The following WWOX variants were observed in gnomAD, a reference collection of about 807,000 sequenced individuals.
WWOX encodes WW domain-containing oxidoreductase.
Under a neutral mutation model 46.2 loss-of-function variants are expected in WWOX, and 69 were observed. The observed-to-expected ratio is 1.49, with a 90% CI of 1.23 to 1.82. WWOX has a LOEUF of 1.82. Ranked by LOEUF, WWOX falls within the 40% of genes most tolerant of loss-of-function variation. WWOX has a pLI of 0.00. For missense variants in WWOX, 919 were observed against 542.6 expected (o/e 1.69, Z -6.89); for synonymous variants, 359 against 202.6 (o/e 1.77, Z -6.56).
chr16:78,281,898 T>G (rs1007740207), intron 5 of WWOX, among the ~76,000 whole-genome samples: 1 of 152,192 alleles, frequency 6.6e-6, no homozygotes, highest in Non-Finnish European at 1.5e-5. Flanking sequence ...CCCTTAGTTT[T>G]GATGATCTTT....
At chr16:78,104,360 TACAC>T (rs35617570) in intron 1 of WWOX, among the ~76,000 whole-genome samples, 46,720 of 147,632 alleles carry the variant, frequency 0.32, 7,162 homozygotes, top group African/African-American at 0.32. Context: ...TGCACGCACA[TACAC>T]ACACACACAC....
At chr16:78,844,430 G>C (rs2052243815) in intron 8 of WWOX, among the ~76,000 whole-genome samples, 1 of 151,974 alleles carries the variant, frequency 6.6e-6, no homozygotes, top group African/African-American at 2.4e-5. Context: ...TGAATAATTT[G>C]GGCAGTCTCA....
At chr16:78,370,898 A>T (rs1261493264) in intron 5 of WWOX, among the ~76,000 whole-genome samples, 1 of 148,118 alleles carries the variant, frequency 6.8e-6, no homozygotes, top group East Asian at 2.0e-4. Context: ...AAAATGGAAG[A>T]TGGCCAACAT....
At chr16:78,607,447 A>T (rs1048790182) in intron 8 of WWOX, among the ~76,000 whole-genome samples, 5 of 152,156 alleles carry the variant, frequency 3.3e-5, no homozygotes, top group African/African-American at 4.8e-5. Flanking sequence ...ATTAAGCACA[A>T]ATTGTTTCAA....
Position 78,635,636 on chromosome 16 carries a change from G to C in WWOX, c.1056+202884G>C, listed in dbSNP as rs1480748055. ...TCAAGGGTTGTTGAGAGGATGAAGTGCTAAAAATGCTTGACCAGCATTCAC... is the reference window on the plus strand; with the variant it reads ...TCAAGGGTTGTTGAGAGGATGAAGTCCTAAAAATGCTTGACCAGCATTCAC... On this transcript the variant is annotated intron_variant, in intron 8 of 8. Coordinates refer to ENST00000566780, the MANE Select transcript of WWOX (RefSeq NM_016373.4). Among the ~76,000 whole-genome samples, 6 of 152,234 alleles carry C rather than the reference G, an allele frequency of 3.9e-5. No individual in the cohort carries two copies. The East Asian group carries it at 1.2e-3, about 29-fold the overall frequency.
intron 8 of WWOX, among the ~76,000 whole-genome samples, chr16:78,930,222 T>TTCCTTCCTTCCTTC (rs2045589062): frequency 4.8e-5 from 5 of 104,952 alleles, no homozygotes; most frequent in African/African-American, 1.2e-4. Flanking sequence ...TCAGGACCTT[T>TTCCTTCCTTCCTTC]CTTCCTTCCT....
At chr16:78,354,931 C>G (rs11861356) in intron 5 of WWOX, among the ~76,000 whole-genome samples, 5 of 151,872 alleles carry the variant, frequency 3.3e-5, no homozygotes, top group African/African-American at 1.2e-4. Context: ...GTCAGGAATT[C>G]AAGACTACTG....
At chr16:78,529,212 C>A (rs2043559494) in intron 8 of WWOX, among the ~76,000 whole-genome samples, 1 of 152,090 alleles carries the variant, frequency 6.6e-6, no homozygotes, top group Non-Finnish European at 1.5e-5. Flanking sequence ...ACCTCAGCCT[C>A]CCAAAATGCC....
chr16:78,657,527 C>G (rs925233683), intron 8 of WWOX, among the ~76,000 whole-genome samples: 1 of 152,140 alleles, frequency 6.6e-6, no homozygotes, highest in Non-Finnish European at 1.5e-5. Context: ...ATCAGCAGAC[C>G]CAGAGTCTAA....
At chr16:78,729,893 AGATTTAAACAAGACTAT>A (rs748587057) in intron 8 of WWOX, among the ~76,000 whole-genome samples, 1 of 152,168 alleles carries the variant, frequency 6.6e-6, no homozygotes, top group Non-Finnish European at 1.5e-5. Flanking sequence ...GGCTCTATTT[AGATTTAAACAAGACTAT>A]GAATGTAAAC....
intron 8 of WWOX, among the ~76,000 whole-genome samples, chr16:78,465,354 C>CT (rs1317182756): frequency 1.3e-5 from 2 of 152,134 alleles, no homozygotes; most frequent in African/African-American, 4.8e-5. Flanking sequence ...TTGCTATTTT[C>CT]TTTTTTTAAG....
chr16:78,951,769 C>T (rs57934395), intron 8 of WWOX, among the ~76,000 whole-genome samples: 26,957 of 152,008 alleles, frequency 0.18, 2,902 homozygotes, highest in African/African-American at 0.3. Flanking sequence ...CACATACTTA[C>T]AGTTGTGAAG....
At chr16:78,383,662 A>G (rs963890225) in intron 5 of WWOX, among the ~76,000 whole-genome samples, 3 of 152,192 alleles carry the variant, frequency 2.0e-5, no homozygotes, top group Admixed American at 2.0e-4. Context: ...CCCAACACAC[A>G]CATAAACACA....
chr16:78,483,500 A>C (rs954976960), intron 8 of WWOX, among the ~76,000 whole-genome samples: 16 of 151,082 alleles, frequency 1.1e-4, no homozygotes, highest in Non-Finnish European at 2.1e-4. Context: ...GAAGGCAGAC[A>C]GTAAGATTTA....
chr16:78,700,020 T>A (rs2048178812), intron 8 of WWOX, among the ~76,000 whole-genome samples: 1 of 151,866 alleles, frequency 6.6e-6, no homozygotes, highest in South Asian at 2.1e-4. Flanking sequence ...CTGCGGTGGG[T>A]GGATACTTAC....
At chr16:78,426,994 A>C (rs2083095452) in intron 7 of WWOX, among the ~76,000 whole-genome samples, 1 of 152,090 alleles carries the variant, frequency 6.6e-6, no homozygotes, top group South Asian at 2.1e-4. Flanking sequence ...GTTTTAACAA[A>C]ATGGCAATTT....
intron 6 of WWOX, among the ~76,000 whole-genome samples, chr16:78,417,593 G>C (rs535889412): frequency 1.3e-5 from 2 of 152,314 alleles, no homozygotes; most frequent in South Asian, 2.1e-4. Flanking sequence ...TCAAATGTAA[G>C]TCTCTCTTCA....
At chr16:78,749,337 A>G (rs1256932112) in intron 8 of WWOX, among the ~76,000 whole-genome samples, 1 of 152,222 alleles carries the variant, frequency 6.6e-6, no homozygotes, top group Non-Finnish European at 1.5e-5. Context: ...GACTTTCAAG[A>G]CAGCTGAAAT....
At chr16:78,635,185 G>C (rs2046538158) in intron 8 of WWOX, among the ~76,000 whole-genome samples, 1 of 152,200 alleles carries the variant, frequency 6.6e-6, no homozygotes, top group Admixed American at 6.5e-5. Context: ...AAGGCTTCCT[G>C]ACTCAGGATT....
Sources: allele counts gnomAD v4.1 joint callset (sites outside exome capture counted in the v4.1 genomes callset), GRCh38; gene constraint gnomAD v4.1.1; transcripts MANE v1.5; gene names NCBI Gene and HGNC (gene_info 2026-07-23, HGNC 2026-07-21).